Variants in LGSN observed in about 807,000 individuals in gnomAD.
LGSN encodes lengsin, lens protein with glutamine synthetase domain.
A neutral mutation model predicts 19.5 loss-of-function variants in LGSN; 21 were observed. That is an observed-to-expected ratio of 1.07 (90% confidence interval 0.76 to 1.55). The LOEUF is 1.55. LGSN is among the 40% of genes most tolerant of loss of function. The pLI is 0.00. For synonymous variants in LGSN, 257 were observed against 215.6 expected (o/e 1.19, Z -1.68); for missense variants, 673 against 608.5 (o/e 1.11, Z -1.12).
the LGSN span, among the ~76,000 whole-genome samples, chr6:63,504,311 G>A: frequency 2.7e-5 from 4 of 150,908 alleles, no homozygotes; most frequent in African/African-American, 9.8e-5. Flanking sequence ...GTGCAATCTC[G>A]GCTCACTGCA....
chr6:63,472,704 G>A, the LGSN span, among the ~76,000 whole-genome samples: 1 of 151,970 alleles, frequency 6.6e-6, no homozygotes, highest in Non-Finnish European at 1.5e-5. Context: ...ACTTTGGGAG[G>A]CTGAGATGGG....
the LGSN span, among the ~76,000 whole-genome samples, chr6:63,570,649 C>T: frequency 6.6e-6 from 1 of 152,194 alleles, no homozygotes; most frequent in Non-Finnish European, 1.5e-5. Flanking sequence ...TATCTTGTCC[C>T]ACCAAATGTA....
chr6:63,295,147 C>A (rs961523405), intron 1 of LGSN, 102 bp from the exon 2 acceptor site: 3 of 1,044,060 alleles, frequency 2.9e-6, no homozygotes, highest in African/African-American at 3.2e-5. Flanking sequence ...TTTTAATGAG[C>A]ATAGAAGACT....
the LGSN span, among the ~76,000 whole-genome samples, chr6:63,505,633 G>GAAAGAAATAAATAAAT: frequency 0.01 from 1,005 of 97,212 alleles, 109 homozygotes; most frequent in African/African-American, 0.018. Context: ...AAGAAAGAAA[G>GAAAGAAATAAATAAAT]AAATTCTGGC....
intron 2 of LGSN, among the ~76,000 whole-genome samples, chr6:63,287,479 G>C (rs1330567441): frequency 6.6e-6 from 1 of 152,036 alleles, no homozygotes; most frequent in African/African-American, 2.4e-5. Flanking sequence ...TTGGGGCCAG[G>C]AGTTCAAGAC....
intron 1 of LGSN, among the ~76,000 whole-genome samples, chr6:63,308,399 T>C (rs1768481358): frequency 6.6e-6 from 1 of 152,180 alleles, no homozygotes. Context: ...TGGTTTAATA[T>C]AAGTTTATCA....
At chr6:63,498,339 G>A in the LGSN span, among the ~76,000 whole-genome samples, 3 of 151,776 alleles carry the variant, frequency 2.0e-5, no homozygotes, top group Admixed American at 6.6e-5. Flanking sequence ...TCCTTCTTGT[G>A]AGGCAGATTT....
chr6:63,563,662 C>T, the LGSN span, among the ~76,000 whole-genome samples: 1 of 152,142 alleles, frequency 6.6e-6, no homozygotes, highest in African/African-American at 2.4e-5. Context: ...CATAAGATAG[C>T]AGAGTGCCTG....
At chr6:63,344,164 A>G in the LGSN span, among the ~76,000 whole-genome samples, 1 of 152,240 alleles carries the variant, frequency 6.6e-6, no homozygotes, top group Admixed American at 6.5e-5. Flanking sequence ...GAACTATGAG[A>G]TAATAAATAG....
the LGSN span, among the ~76,000 whole-genome samples, chr6:63,492,429 C>T: frequency 6.6e-6 from 1 of 152,170 alleles, no homozygotes; most frequent in South Asian, 2.1e-4. Context: ...CCTTTGAAAA[C>T]ATCCGTAATT....
chr6:63,364,038 A>G, the LGSN span, among the ~76,000 whole-genome samples: 3 of 152,216 alleles, frequency 2.0e-5, no homozygotes, highest in African/African-American at 7.2e-5. Context: ...CAAAATAACC[A>G]GCTAACATCA....
the LGSN span, among the ~76,000 whole-genome samples, chr6:63,449,645 G>A: frequency 6.6e-6 from 1 of 151,972 alleles, no homozygotes; most frequent in Non-Finnish European, 1.5e-5. Flanking sequence ...GTCCAAACTG[G>A]ATCAAGAAGA....
At chr6:63,344,054 C>A in the LGSN span, among the ~76,000 whole-genome samples, 1 of 152,134 alleles carries the variant, frequency 6.6e-6, no homozygotes, top group Non-Finnish European at 1.5e-5. Flanking sequence ...TACATTCTTC[C>A]CCATAACCTC....
the LGSN span, among the ~76,000 whole-genome samples, chr6:63,347,362 T>G: frequency 6.6e-6 from 1 of 152,216 alleles, no homozygotes; most frequent in African/African-American, 2.4e-5. Flanking sequence ...ATTAACTAAA[T>G]ATTTGGGGGA....
chr6:63,299,734 A>G (rs1768113371), intron 1 of LGSN, among the ~76,000 whole-genome samples: 1 of 152,098 alleles, frequency 6.6e-6, no homozygotes, highest in Admixed American at 6.5e-5. Flanking sequence ...TTTCTTTCTG[A>G]TCTTATATAA....
At chr6:63,397,789 G>A in the LGSN span, among the ~76,000 whole-genome samples, 116 of 151,856 alleles carry the variant, frequency 7.6e-4, 1 homozygote, top group South Asian at 0.022. Flanking sequence ...GTGGTGGCAC[G>A]CCTGTAATTA....
At chr6:63,466,601 T>A in the LGSN span, among the ~76,000 whole-genome samples, 2 of 152,208 alleles carry the variant, frequency 1.3e-5, no homozygotes, top group African/African-American at 4.8e-5. Flanking sequence ...TTAAAAATTG[T>A]CAATTTTTAA....
intron 1 of LGSN, among the ~76,000 whole-genome samples, chr6:63,298,733 T>C (rs1768075618): frequency 6.6e-6 from 1 of 152,196 alleles, no homozygotes; most frequent in South Asian, 2.1e-4. Flanking sequence ...TTTAAAATTA[T>C]AGTGGAATGC....
At chr6:63,503,740 C>T in the LGSN span, among the ~76,000 whole-genome samples, 2 of 152,060 alleles carry the variant, frequency 1.3e-5, no homozygotes, top group African/African-American at 4.8e-5. Context: ...CATGGTGAAA[C>T]CCCGCCTCTA....
Sources: gnomAD v4.1 joint callset for allele counts (sites outside exome capture counted in the v4.1 genomes callset) on GRCh38, gnomAD v4.1.1 for gene constraint, MANE v1.5 for transcripts, NCBI Gene and HGNC (gene_info 2026-07-23, HGNC 2026-07-21) for gene names.